The following PGCKA1 variants were observed in gnomAD, a reference collection of about 807,000 sequenced individuals.
PGCKA1 encodes the protein PDCD10 and GCKIII kinases-associated protein 1.
chr4:37,546,474 C>T, the PGCKA1 span, among the ~76,000 whole-genome samples: 1 of 152,218 alleles, frequency 6.6e-6, no homozygotes, highest in Non-Finnish European at 1.5e-5. Context: ...TGTCACATGT[C>T]CCCTAGATTG....
chr4:37,536,949 G>A, the PGCKA1 span, among the ~76,000 whole-genome samples: 1 of 152,230 alleles, frequency 6.6e-6, no homozygotes, highest in African/African-American at 2.4e-5. Context: ...CTTAGTCACT[G>A]GTGGCATGGC....
the PGCKA1 span, among the ~76,000 whole-genome samples, chr4:37,455,584 A>T: frequency 1.3e-5 from 2 of 152,224 alleles, no homozygotes; most frequent in African/African-American, 2.4e-5. Context: ...TAGATAAATA[A>T]TGATACCTAA....
the PGCKA1 span, among the ~76,000 whole-genome samples, chr4:37,547,795 C>A: frequency 6.6e-6 from 1 of 152,116 alleles, no homozygotes; most frequent in Non-Finnish European, 1.5e-5. Context: ...TATACCAATT[C>A]TAAGTTAATT....
chr4:37,487,707 A>G, the PGCKA1 span, among the ~76,000 whole-genome samples: 1 of 152,158 alleles, frequency 6.6e-6, no homozygotes, highest in African/African-American at 2.4e-5. Flanking sequence ...CCACAGATTA[A>G]TTTAGCCTGT....
At chr4:37,566,862 G>A in the PGCKA1 span, among the ~76,000 whole-genome samples, 2 of 152,206 alleles carry the variant, frequency 1.3e-5, no homozygotes, top group African/African-American at 4.8e-5. Flanking sequence ...GATTACAGGT[G>A]TGAGCCACCG....
At chr4:37,495,372 C>T in the PGCKA1 span, among the ~76,000 whole-genome samples, 20 of 152,124 alleles carry the variant, frequency 1.3e-4, no homozygotes, top group East Asian at 3.9e-4. Flanking sequence ...ACCCAGCAAT[C>T]CCATTACTGG....
At chr4:37,491,211 A>AT in the PGCKA1 span, among the ~76,000 whole-genome samples, 1 of 151,908 alleles carries the variant, frequency 6.6e-6, no homozygotes, top group African/African-American at 2.4e-5. Context: ...GTTCCTCCTG[A>AT]TTTTTTTACT....
the PGCKA1 span, chr4:37,589,006 G>T: frequency 1.3e-6 from 1 of 789,028 alleles, no homozygotes; most frequent in South Asian, 1.6e-5. Flanking sequence ...CTTGGGGCAT[G>T]ATCAACATTG....
the PGCKA1 span, chr4:37,460,911 A>C: frequency 2.5e-6 from 1 of 398,452 alleles, no homozygotes; most frequent in Non-Finnish European, 4.8e-6. Context: ...ATCTTTGCCC[A>C]TGCCTATGTC....
chr4:37,592,695 A>G, the PGCKA1 span, among the ~76,000 whole-genome samples: 4 of 152,262 alleles, frequency 2.6e-5, no homozygotes, highest in African/African-American at 9.6e-5. Context: ...CAGCTTTGCC[A>G]TGTGACCTTG....
At chr4:37,499,985 C>A in the PGCKA1 span, among the ~76,000 whole-genome samples, 1 of 144,170 alleles carries the variant, frequency 6.9e-6, no homozygotes, top group East Asian at 2.1e-4. Flanking sequence ...TCCAGTGGCA[C>A]GATCTCGGCT....
chr4:37,509,617 G>A, the PGCKA1 span, among the ~76,000 whole-genome samples: 1 of 151,510 alleles, frequency 6.6e-6, no homozygotes, highest in African/African-American at 2.4e-5. Context: ...CAGGCGGCTG[G>A]GAGGTGGAGG....
At chr4:37,465,729 C>T in the PGCKA1 span, among the ~76,000 whole-genome samples, 5 of 152,180 alleles carry the variant, frequency 3.3e-5, no homozygotes, top group African/African-American at 1.2e-4. Flanking sequence ...ACAGCCTCAA[C>T]ACTTGGTCTC....
chr4:37,524,954 C>T, the PGCKA1 span, among the ~76,000 whole-genome samples: 2 of 152,200 alleles, frequency 1.3e-5, no homozygotes, highest in Admixed American at 6.5e-5. Flanking sequence ...AGGATTTCAG[C>T]TTCTCTGACG....
the PGCKA1 span, among the ~76,000 whole-genome samples, chr4:37,488,177 A>G: frequency 6.6e-6 from 1 of 152,208 alleles, no homozygotes; most frequent in Non-Finnish European, 1.5e-5. Flanking sequence ...TTTTTCACAC[A>G]GCAATAGTAA....
At chr4:37,565,601 GA>G in the PGCKA1 span, among the ~76,000 whole-genome samples, 1 of 152,200 alleles carries the variant, frequency 6.6e-6, no homozygotes, top group African/African-American at 2.4e-5. Flanking sequence ...GTGATTGTGT[GA>G]AGAGGCCTCT....
the PGCKA1 span, among the ~76,000 whole-genome samples, chr4:37,474,359 G>A: frequency 6.6e-6 from 1 of 152,118 alleles, no homozygotes; most frequent in Non-Finnish European, 1.5e-5. Context: ...CCTCAGGACT[G>A]TAATAAATCT....
the PGCKA1 span, among the ~76,000 whole-genome samples, chr4:37,526,038 C>T: frequency 6.6e-6 from 1 of 152,146 alleles, no homozygotes; most frequent in African/African-American, 2.4e-5. Context: ...ACATTTGTAT[C>T]ATACTGTTTA....
chr4:37,528,066 C>T, the PGCKA1 span, among the ~76,000 whole-genome samples: 1 of 152,166 alleles, frequency 6.6e-6, no homozygotes, highest in Admixed American at 6.5e-5. Context: ...ATACTGATAT[C>T]TGGCTTCATT....
Sources: allele counts gnomAD v4.1 joint callset (sites outside exome capture counted in the v4.1 genomes callset), GRCh38; gene constraint gnomAD v4.1.1; transcripts MANE v1.5; gene names NCBI Gene and HGNC (gene_info 2026-07-23, HGNC 2026-07-21).